TAFA1: variants seen among roughly 807,000 people sequenced by gnomAD.
TAFA1 encodes TAFA chemokine like family member 1.
In TAFA1, 4 loss-of-function variants were observed where a neutral mutation model predicts 18.5. The observed-to-expected ratio is 0.22, with a 90% CI of 0.11 to 0.49. The LOEUF is 0.49. Ranked by LOEUF, TAFA1 falls within the 20% of genes least tolerant of loss-of-function variation. The probability of loss-of-function intolerance (pLI) is 0.98; values close to 1 mark genes in which losing one functional copy is unlikely to be tolerated. For synonymous variants in TAFA1, 56 were observed against 55.2 expected, an observed-to-expected ratio of 1.01 and a Z score of -0.06; for missense variants, 147 against 169.0, an observed-to-expected ratio of 0.87 and a Z score of 0.72.
chr3:68,003,526 G>T (rs1225151748), upstream of TAFA1, among the ~76,000 whole-genome samples: 3 of 152,100 alleles, frequency 2.0e-5, no homozygotes, highest in Non-Finnish European at 4.4e-5. Flanking sequence ...GTATTTCAGA[G>T]AATTATTACC....
chr3:68,535,158 A>G (rs990989849), intron 3 of TAFA1, among the ~76,000 whole-genome samples: 1 of 152,166 alleles, frequency 6.6e-6, no homozygotes, highest in Non-Finnish European at 1.5e-5. Flanking sequence ...AGGAAACTTC[A>G]GATTATAGGT....
At chr3:68,142,914 A>ATT (rs5849805) in intron 2 of TAFA1, among the ~76,000 whole-genome samples, 11,705 of 148,298 alleles carry the variant, frequency 0.079, 509 homozygotes, top group Middle Eastern at 0.12. Context: ...GGAAATCGTT[A>ATT]TTTTTTTTTT....
chr3:68,080,259 CTT>C (rs1227447720), intron 2 of TAFA1, among the ~76,000 whole-genome samples: 3 of 152,172 alleles, frequency 2.0e-5, no homozygotes, highest in African/African-American at 7.2e-5. Flanking sequence ...GGTCTTGACT[CTT>C]GATCCAATTT....
At chr3:68,190,749 G>A (rs976366430) in intron 2 of TAFA1, among the ~76,000 whole-genome samples, 1 of 151,760 alleles carries the variant, frequency 6.6e-6, no homozygotes, top group African/African-American at 2.4e-5. Context: ...ACACCATGTG[G>A]GCTGTTAAGT....
chr3:68,114,913 G>A (rs927030236), intron 2 of TAFA1, among the ~76,000 whole-genome samples: 4 of 152,114 alleles, frequency 2.6e-5, no homozygotes, highest in Admixed American at 2.6e-4. Flanking sequence ...TGAATATTGG[G>A]CAACAGAAGT....
At chr3:68,111,837 T>C (rs1295729916) in intron 2 of TAFA1, among the ~76,000 whole-genome samples, 1 of 151,692 alleles carries the variant, frequency 6.6e-6, no homozygotes, top group African/African-American at 2.4e-5. Context: ...CTTGGTAGAT[T>C]GTTAGGACAT....
At chr3:68,446,217 C>T (rs2071472375) in intron 3 of TAFA1, among the ~76,000 whole-genome samples, 3 of 152,012 alleles carry the variant, frequency 2.0e-5, no homozygotes, top group Non-Finnish European at 1.5e-5. Flanking sequence ...TATTTTTATA[C>T]ATAAAGTTTT....
In TAFA1 at chr3:68,214,669, G is replaced by C. The variant is rs542453922; in HGVS notation, c.119-202611G>C. ...TAATAATAATAAATGAGGTTAAGTA[G>C]GATATTATGTGCTAAATTCTTGATT... On this transcript the variant is annotated intron_variant, in intron 2 of 4. Transcript: ENST00000478136. Among the ~76,000 whole-genome samples, 3 of 151,960 alleles carry C rather than the reference G, an allele frequency of 2.0e-5. No homozygotes were observed. The East Asian group carries it at 5.8e-4, about 29-fold the overall frequency.
chr3:68,245,340 T>C (rs1332198942), intron 2 of TAFA1, among the ~76,000 whole-genome samples: 2 of 152,240 alleles, frequency 1.3e-5, no homozygotes, highest in Admixed American at 6.5e-5. Context: ...GCAGAGGCCA[T>C]GTAGCTAAGG....
At chr3:68,315,079 A>T (rs2068585407) in intron 2 of TAFA1, among the ~76,000 whole-genome samples, 1 of 152,150 alleles carries the variant, frequency 6.6e-6, no homozygotes. Context: ...TCCTGTGGAA[A>T]TCATGAAGAA....
intron 2 of TAFA1, among the ~76,000 whole-genome samples, chr3:68,169,990 A>G (rs988045486): frequency 1.3e-5 from 2 of 152,196 alleles, no homozygotes; most frequent in South Asian, 2.1e-4. Flanking sequence ...GCTTCTCCAT[A>G]AAGGCAATGA....
intron 2 of TAFA1, among the ~76,000 whole-genome samples, chr3:68,272,302 T>C (rs1233364443): frequency 6.6e-6 from 1 of 152,216 alleles, no homozygotes; most frequent in African/African-American, 2.4e-5. Flanking sequence ...GTTCTCTTGC[T>C]TGGCCTTTTC....
At chr3:68,079,388 C>A (rs1457577357) in intron 2 of TAFA1, among the ~76,000 whole-genome samples, 3 of 152,112 alleles carry the variant, frequency 2.0e-5, no homozygotes, top group South Asian at 4.1e-4. Context: ...TTTTCTAGTT[C>A]TTTTAATTGT....
intron 2 of TAFA1, among the ~76,000 whole-genome samples, chr3:68,092,591 G>T (rs953541511): frequency 3.9e-5 from 6 of 152,144 alleles, no homozygotes; most frequent in African/African-American, 1.4e-4. Flanking sequence ...TGTTCTGCCA[G>T]TAAATTCCTC....
At chr3:68,051,415 T>C (rs1284405054) in intron 2 of TAFA1, among the ~76,000 whole-genome samples, 3 of 152,130 alleles carry the variant, frequency 2.0e-5, no homozygotes. Context: ...GATCAGTGGT[T>C]ATTAACCAGG....
intron 3 of TAFA1, among the ~76,000 whole-genome samples, chr3:68,437,864 C>T (rs78724527): frequency 0.011 from 1,728 of 152,202 alleles, 40 homozygotes; most frequent in South Asian, 0.037. Context: ...CCCCATAGCC[C>T]TAAAGTCTTA....
rs955708319 is a variant in TAFA1, at chr3:68,344,046, T to C, written c.119-73234T>C. On this transcript the variant is annotated intron_variant, in intron 2 of 4. Transcript: ENST00000478136. The stretch of plus-strand genomic sequence containing the variant: ...TTAGTAGAGACAGGGTTTCTCCATG[T>C]TGATCAGGCTGATCTTGAACTCCTG... Among the ~76,000 whole-genome samples, 3 of 152,220 alleles carry C rather than the reference T, an allele frequency of 2.0e-5. 1 individual carries two copies. Among genetic ancestry groups the C allele is most frequent in the Non-Finnish European group, 4.4e-5 (3 of 68,050 alleles).
chr3:68,108,830 C>T (rs1182086414), intron 2 of TAFA1, among the ~76,000 whole-genome samples: 1 of 151,944 alleles, frequency 6.6e-6, no homozygotes, highest in African/African-American at 2.4e-5. Context: ...ATACTAAAAA[C>T]AGAGATCTAG....
intron 2 of TAFA1, among the ~76,000 whole-genome samples, chr3:68,305,275 G>A (rs575024670): frequency 6.7e-6 from 1 of 149,610 alleles, no homozygotes; most frequent in African/African-American, 2.5e-5. Flanking sequence ...CAGTCATATT[G>A]GATTACAGCT....
Sources: allele counts gnomAD v4.1 joint callset (sites outside exome capture counted in the v4.1 genomes callset), GRCh38; gene constraint gnomAD v4.1.1; transcripts MANE v1.5; gene names NCBI Gene and HGNC (gene_info 2026-07-23, HGNC 2026-07-21).